Variants in ENTPD1 observed in about 807,000 individuals in gnomAD.
ENTPD1 encodes the protein ectonucleoside triphosphate diphosphohydrolase 1, also known as ATP diphosphohydrolase.
A neutral mutation model predicts 57.0 loss-of-function variants in ENTPD1; 33 were observed. The observed-to-expected ratio is 0.58, with a 90% CI of 0.44 to 0.77. The LOEUF (loss-of-function observed/expected upper bound fraction) is 0.77. ENTPD1 is among the 30% of genes least tolerant of loss of function. The pLI is 0.00. For synonymous variants in ENTPD1, 202 were observed against 218.8 expected (o/e 0.92, Z 0.68); for missense variants, 501 against 603.4 (o/e 0.83, Z 1.78).
At position 95,791,528 on chromosome 10, in the gene ENTPD1, C is replaced by T. The variant is rs1449742737; in HGVS notation, c.17-31709C>T. Among the ~76,000 whole-genome samples, 1 of 152,160 alleles carries T rather than the reference C, an allele frequency of 6.6e-6. No homozygotes were observed. The highest frequency in any genetic ancestry group is 2.1e-4 in the South Asian group (1 of 4,830). ...GAGTGGAAGTTAGAATGAAACAGAA[C>T]TTAGGTCAAGATAGATTGCTAACAG... On this transcript the variant is annotated intron_variant, in intron 1 of 9. Coordinates refer to ENST00000371205, the MANE Select transcript of ENTPD1 (RefSeq NM_001776.6). This position sits in a 1 kb window ranked among gnomAD's most constrained non-coding sequence, Gnocchi z 4.1.
chr10:95,777,341 T>C (rs1053868093), intron 1 of ENTPD1, among the ~76,000 whole-genome samples: 1 of 152,226 alleles, frequency 6.6e-6, no homozygotes, highest in Non-Finnish European at 1.5e-5. Context: ...TTTGTTGATG[T>C]TGATGCTATT....
intron 1 of ENTPD1, among the ~76,000 whole-genome samples, chr10:95,733,591 T>C (rs1202185521): frequency 6.6e-6 from 1 of 152,242 alleles, no homozygotes; most frequent in Non-Finnish European, 1.5e-5. Context: ...AGTTTTAATT[T>C]GGGGAACTAA....
At chr10:95,729,159 C>CAAAGGTACTTG (rs2097986782) in intron 1 of ENTPD1, among the ~76,000 whole-genome samples, 1 of 152,000 alleles carries the variant, frequency 6.6e-6, no homozygotes, top group Non-Finnish European at 1.5e-5. Flanking sequence ...TTGAGTTGTT[C>CAAAGGTACTTG]AAAGGTACTT....
the ENTPD1 span, among the ~76,000 whole-genome samples, chr10:95,695,002 G>A: frequency 6.7e-6 from 1 of 149,784 alleles, no homozygotes; most frequent in Non-Finnish European, 1.5e-5. Flanking sequence ...TAGGATTCAG[G>A]TGATTCTTCT....
In ENTPD1 at chr10:95,766,711, A is replaced by G. The variant is rs116064575; in HGVS notation, c.16+10456A>G. On this transcript the variant is annotated intron_variant, in intron 1 of 9. Coordinates refer to ENST00000371205, the MANE Select transcript of ENTPD1 (RefSeq NM_001776.6). ...ATTCTCTGTTTTAATAAAGGAATGTAAACAGTTCACATTTATTTTATCTGC... is the reference window on the plus strand; with the variant it reads ...ATTCTCTGTTTTAATAAAGGAATGTGAACAGTTCACATTTATTTTATCTGC... 2.9e-3 allele frequency among the ~76,000 whole-genome samples: 443 copies of G among 152,322 alleles called. 4 individuals are homozygous for G. Among genetic ancestry groups the G allele is most frequent in the African/African-American group, 0.01 (423 of 41,582 alleles).
intron 1 of ENTPD1, among the ~76,000 whole-genome samples, chr10:95,738,600 G>T (rs1419176716): frequency 6.6e-6 from 1 of 152,122 alleles, no homozygotes; most frequent in African/African-American, 2.4e-5. Flanking sequence ...TTGGTGAGAT[G>T]GAGAAGACCT....
Position 95,871,600 on chromosome 10 carries a change from C to G in ENTPD1, c.*5217C>G, listed in dbSNP as rs1256514662. The G allele has an allele frequency of 6.1e-6, 6 of 985,384 alleles. No homozygotes were observed. Among genetic ancestry groups the G allele is most frequent in the African/African-American group, 1.7e-5 (1 of 57,344 alleles). 61.0% of individuals were successfully genotyped at this position (985,384 alleles called of 1,614,324 possible). On this transcript the variant is annotated 3_prime_UTR_variant, in exon 10 of 10. Transcript: ENST00000371205. ...AATAGTGAGGAGGTGCCTCCATGAG[C>G]CTTCTCTTTAGAAAAGTGGCATTCA...
chr10:95,731,514 A>G (rs773939296), intron 1 of ENTPD1, among the ~76,000 whole-genome samples: 4 of 152,098 alleles, frequency 2.6e-5, no homozygotes, highest in Non-Finnish European at 5.9e-5. Context: ...TTTTCTGGCC[A>G]TAGAAACACG....
intron 1 of ENTPD1, among the ~76,000 whole-genome samples, chr10:95,787,250 G>C (rs139348322): frequency 5.9e-5 from 9 of 152,134 alleles, no homozygotes; most frequent in Admixed American, 5.9e-4. Flanking sequence ...TTTGATCAGC[G>C]TAGTATTCCA....
At chr10:95,751,045 C>CAGAGTTTT (rs1242779079), upstream of ENTPD1, among the ~76,000 whole-genome samples, 1 of 151,946 alleles carries the variant, frequency 6.6e-6, no homozygotes, top group African/African-American at 2.4e-5. Context: ...AACAAAAATT[C>CAGAGTTTT]AGAGTTTTAT....
chr10:95,866,555 C>T lies in ENTPD1; in HGVS notation c.*172C>T. The T allele has an allele frequency of 6.7e-7, 1 of 1,487,278 alleles. No homozygotes were observed. 92.1% of individuals were successfully genotyped at this position (1,487,278 alleles called of 1,614,324 possible). Reference sequence around the variant, plus strand: ...CTTTCTTTTGGAGGTATTCAATATCCTTTGCCTCAAGGACTTCGGCAGATA... The same window carrying T: ...CTTTCTTTTGGAGGTATTCAATATCTTTTGCCTCAAGGACTTCGGCAGATA... On this transcript the variant is annotated 3_prime_UTR_variant, in exon 10 of 10. Transcript: ENST00000371205.
intron 1 of ENTPD1, among the ~76,000 whole-genome samples, chr10:95,780,029 T>C (rs1173311208): frequency 6.6e-6 from 1 of 152,176 alleles, no homozygotes; most frequent in Non-Finnish European, 1.5e-5. Flanking sequence ...AGACTAATAC[T>C]GCTGTTACCC....
At chr10:95,828,850 A>T (rs1424276417) in intron 2 of ENTPD1, among the ~76,000 whole-genome samples, 4 of 151,752 alleles carry the variant, frequency 2.6e-5, no homozygotes, top group South Asian at 2.1e-4. Flanking sequence ...AGCTAGGATT[A>T]TAGGCACACG....
chr10:95,738,274 G>A (rs1589659034), intron 1 of ENTPD1, among the ~76,000 whole-genome samples: 1 of 152,202 alleles, frequency 6.6e-6, no homozygotes, highest in South Asian at 2.1e-4. Flanking sequence ...TGGTTGTCTG[G>A]TGATTAGATT....
chr10:95,749,300 T>C (rs567137729), intron 1 of ENTPD1, among the ~76,000 whole-genome samples: 39 of 152,246 alleles, frequency 2.6e-4, no homozygotes, highest in Non-Finnish European at 5.0e-4. Flanking sequence ...GAACAGTGAT[T>C]TCTTCATAGG....
chr10:95,727,675 C>T (rs1416749555), intron 1 of ENTPD1, among the ~76,000 whole-genome samples: 6 of 152,124 alleles, frequency 3.9e-5, no homozygotes, highest in African/African-American at 1.4e-4. Context: ...TTACTTTTCT[C>T]ATGGTTATTT....
At position 95,871,505 on chromosome 10, in the gene ENTPD1, C is replaced by A. The variant is rs1225288716; in HGVS notation, c.*5122C>A. On this transcript the variant is annotated 3_prime_UTR_variant, in exon 10 of 10. Coordinates refer to ENST00000371205, the MANE Select transcript of ENTPD1 (RefSeq NM_001776.6). Reference sequence around the variant, plus strand: ...GGACAATGTATAGCTAATTACCCAACTTTTTATTTGCATACAAATCTAATA... The same window carrying A: ...GGACAATGTATAGCTAATTACCCAAATTTTTATTTGCATACAAATCTAATA... 3.0e-6 allele frequency: 3 copies of A among 985,384 alleles called. No homozygotes were observed. The highest frequency in any genetic ancestry group is 3.6e-6 in the Non-Finnish European group (3 of 829,900). The allele number at this position is 985,384 out of a possible 1,614,324, so 61.0% of individuals were successfully genotyped here. A position where few individuals can be genotyped will look rare whatever the true frequency, so the allele number is the denominator to read the frequency against.
At chr10:95,805,352 C>T (rs997539072) in intron 1 of ENTPD1, among the ~76,000 whole-genome samples, 25 of 152,248 alleles carry the variant, frequency 1.6e-4, no homozygotes, top group Middle Eastern at 3.4e-3. Flanking sequence ...TTAGATCTTC[C>T]TCCATCCATT....
In ENTPD1 at chr10:95,875,460, A is replaced by G. The variant is rs1411258568; in HGVS notation, c.*9077A>G. The G allele has an allele frequency of 1.3e-5, 2 of 152,534 alleles. No individual in the cohort carries two copies. Among genetic ancestry groups the G allele is most frequent in the African/African-American group, 4.8e-5 (2 of 41,424 alleles). 9.4% of individuals were successfully genotyped at this position (152,534 alleles called of 1,614,324 possible). Reference sequence around the variant, plus strand: ...CAGCCTGGACCTTATTGTTCATATCACTATCAGTATTTTTGTCAATGCCAT... The same window carrying G: ...CAGCCTGGACCTTATTGTTCATATCGCTATCAGTATTTTTGTCAATGCCAT... On this transcript the variant is annotated 3_prime_UTR_variant, in exon 10 of 10. Transcript: ENST00000371205.
Sources: allele counts gnomAD v4.1 joint callset (sites outside exome capture counted in the v4.1 genomes callset), GRCh38; gene constraint gnomAD v4.1.1; non-coding constraint Gnocchi (gnomAD v3.1); transcripts MANE v1.5; gene names NCBI Gene and HGNC (gene_info 2026-07-23, HGNC 2026-07-21).